PARD3B: variants seen among roughly 807,000 people sequenced by gnomAD.
PARD3B encodes the protein partitioning defective 3 homolog B.
Under a neutral mutation model 130.2 loss-of-function variants are expected in PARD3B, and 103 were observed. That is an observed-to-expected ratio of 0.79 (90% CI 0.67 to 0.93). The LOEUF is 0.93. Among genes scored for constraint, PARD3B ranks in the 40% least tolerant of loss-of-function variants. The pLI is 0.00. For synonymous variants in PARD3B, 583 were observed against 553.2 expected, an observed-to-expected ratio of 1.05 and a Z score of -0.76; for missense variants, 1,609 against 1,499.2, an observed-to-expected ratio of 1.07 and a Z score of -1.21.
intron 3 of PARD3B, among the ~76,000 whole-genome samples, chr2:204,984,572 G>A (rs927670518): frequency 1.3e-5 from 2 of 152,084 alleles, no homozygotes; most frequent in Non-Finnish European, 2.9e-5. Context: ...TATTCACAAA[G>A]GAATGTTATT....
intron 2 of PARD3B, among the ~76,000 whole-genome samples, chr2:204,800,429 G>C (rs1268916395): frequency 6.6e-6 from 1 of 151,306 alleles, no homozygotes; most frequent in African/African-American, 2.4e-5. Flanking sequence ...AAAGTCAGTA[G>C]AGAGAGAGAG....
chr2:205,459,600 G>A (rs575384514), intron 20 of PARD3B, among the ~76,000 whole-genome samples: 3 of 152,180 alleles, frequency 2.0e-5, no homozygotes, highest in Admixed American at 2.0e-4. Flanking sequence ...TTACATTTTT[G>A]CCTGTTGATC....
intron 15 of PARD3B, among the ~76,000 whole-genome samples, chr2:205,233,905 C>T (rs950117574): frequency 3.3e-5 from 5 of 152,064 alleles, no homozygotes; most frequent in Admixed American, 1.3e-4. Context: ...CATTGCAAAG[C>T]CAAAAAATCA....
intron 22 of PARD3B, among the ~76,000 whole-genome samples, chr2:205,554,506 T>A (rs888067605): frequency 1.3e-5 from 2 of 152,242 alleles, no homozygotes; most frequent in African/African-American, 4.8e-5. Flanking sequence ...TTTAAAACTT[T>A]TATAAAGTTA....
At chr2:205,512,654 T>G (rs993569071) in intron 21 of PARD3B, among the ~76,000 whole-genome samples, 1 of 152,212 alleles carries the variant, frequency 6.6e-6, no homozygotes, top group Non-Finnish European at 1.5e-5. Flanking sequence ...AGTTGTATCA[T>G]CAACACTTAC....
At chr2:204,604,778 A>G (rs2033648103) in intron 1 of PARD3B, among the ~76,000 whole-genome samples, 1 of 152,182 alleles carries the variant, frequency 6.6e-6, no homozygotes, top group Admixed American at 6.5e-5. Flanking sequence ...CAGCATAGCA[A>G]ACTATCTTAA....
At chr2:205,058,858 T>A (rs1699893966) in intron 4 of PARD3B, among the ~76,000 whole-genome samples, 1 of 152,034 alleles carries the variant, frequency 6.6e-6, no homozygotes, top group Non-Finnish European at 1.5e-5. Flanking sequence ...ATCAGATATA[T>A]GATTTGAAAA....
chr2:205,523,435 G>C (rs2051182898), intron 21 of PARD3B, among the ~76,000 whole-genome samples: 2 of 151,294 alleles, frequency 1.3e-5, no homozygotes, highest in Non-Finnish European at 2.9e-5. Flanking sequence ...ATAGAGACGG[G>C]GTTTCACCAT....
At chr2:204,576,524 G>A (rs2032268780) in intron 1 of PARD3B, among the ~76,000 whole-genome samples, 1 of 152,120 alleles carries the variant, frequency 6.6e-6, no homozygotes, top group South Asian at 2.1e-4. Flanking sequence ...GCATGTGTGT[G>A]TGCTCTTTTT....
At chr2:204,790,362 A>G (rs2042158864) in intron 2 of PARD3B, among the ~76,000 whole-genome samples, 1 of 152,184 alleles carries the variant, frequency 6.6e-6, no homozygotes, top group Non-Finnish European at 1.5e-5. Flanking sequence ...GGTTTTTTAT[A>G]GTCTCTTCAA....
intron 3 of PARD3B, among the ~76,000 whole-genome samples, chr2:205,024,922 C>T (rs1239194450): frequency 6.6e-6 from 1 of 151,870 alleles, no homozygotes; most frequent in Non-Finnish European, 1.5e-5. Flanking sequence ...TTCTGTTTGC[C>T]GTTTGGTATG....
intron 18 of PARD3B, among the ~76,000 whole-genome samples, chr2:205,399,332 G>GTTTTGT (rs2046156350): frequency 6.6e-6 from 1 of 151,768 alleles, no homozygotes. Flanking sequence ...GTTTTGTTTT[G>GTTTTGT]TTTTTTGTGT....
chr2:205,477,123 C>T (rs902629261), intron 20 of PARD3B, among the ~76,000 whole-genome samples: 2 of 152,188 alleles, frequency 1.3e-5, no homozygotes, highest in Admixed American at 1.3e-4. Flanking sequence ...TGATGCAGGA[C>T]TTAATCCTGA....
At chr2:205,549,195 T>C (rs1484501537) in intron 21 of PARD3B, among the ~76,000 whole-genome samples, 1 of 152,178 alleles carries the variant, frequency 6.6e-6, no homozygotes, top group Non-Finnish European at 1.5e-5. Context: ...TGGTGGGAAT[T>C]CAAAATGGTA....
chr2:204,745,985 T>G (rs927553758), intron 2 of PARD3B, among the ~76,000 whole-genome samples: 13 of 151,744 alleles, frequency 8.6e-5, no homozygotes, highest in Non-Finnish European at 1.6e-4. Context: ...TTTTTTTCTT[T>G]TTTTTTTTAT....
chr2:204,900,355 A>C (rs1333916026), intron 2 of PARD3B, among the ~76,000 whole-genome samples: 2 of 151,984 alleles, frequency 1.3e-5, no homozygotes, highest in African/African-American at 2.4e-5. Flanking sequence ...CCTGTCTTCA[A>C]GCTCACTAAT....
intron 4 of PARD3B, among the ~76,000 whole-genome samples, chr2:205,089,171 TTTTG>T (rs1382944472): frequency 9.9e-5 from 15 of 151,602 alleles, no homozygotes; most frequent in Admixed American, 2.6e-4. Flanking sequence ...TTTTTTCTTT[TTTTG>T]TTTGTTTGTT....
intron 15 of PARD3B, among the ~76,000 whole-genome samples, chr2:205,212,491 A>G (rs1478307930): frequency 6.6e-6 from 1 of 152,160 alleles, no homozygotes; most frequent in Non-Finnish European, 1.5e-5. Flanking sequence ...GATGTGCAAC[A>G]GCCAGAGTAG....
At chr2:205,474,984 A>G (rs1242928148) in intron 20 of PARD3B, among the ~76,000 whole-genome samples, 2 of 152,134 alleles carry the variant, frequency 1.3e-5, no homozygotes, top group Non-Finnish European at 2.9e-5. Flanking sequence ...ACCAGGAGGA[A>G]TAGTTTTTTG....
Sources: allele counts gnomAD v4.1 joint callset (sites outside exome capture counted in the v4.1 genomes callset), GRCh38; gene constraint gnomAD v4.1.1; transcripts MANE v1.5; gene names NCBI Gene and HGNC (gene_info 2026-07-23, HGNC 2026-07-21).